The following B3GALT1 variants were observed in gnomAD, a reference collection of about 807,000 sequenced individuals.
The protein encoded by B3GALT1 is beta-1,3-galactosyltransferase 1.
B3GALT1 carries 10 observed loss-of-function variants against 23.2 expected under a neutral mutation model. The observed-to-expected ratio is 0.43, with a 90% CI of 0.27 to 0.73. B3GALT1 has a LOEUF of 0.73. Among genes scored for constraint, B3GALT1 ranks in the 30% least tolerant of loss-of-function variants. B3GALT1 has a pLI of 0.21. For synonymous variants in B3GALT1, 156 were observed against 141.5 expected, an observed-to-expected ratio of 1.10 and a Z score of -0.73; for missense variants, 299 against 405.4, an observed-to-expected ratio of 0.74 and a Z score of 2.25.
At chr2:167,714,594 T>C in intron 3 of B3GALT1, 2 of 1,613,698 alleles carry the variant, frequency 1.2e-6, no homozygotes, top group Admixed American at 3.3e-5. Flanking sequence ...TTAAACTCTG[T>C]TTCAGTTAAT....
At chr2:167,566,186 T>G (rs1390887573) in intron 2 of B3GALT1, among the ~76,000 whole-genome samples, 1 of 152,144 alleles carries the variant, frequency 6.6e-6, no homozygotes, top group Admixed American at 6.5e-5. Context: ...AAATGATGAG[T>G]TCATGTCCTT....
intron 3 of B3GALT1, among the ~76,000 whole-genome samples, chr2:167,668,799 G>T (rs1456388666): frequency 6.6e-6 from 1 of 152,212 alleles, no homozygotes; most frequent in African/African-American, 2.4e-5. Flanking sequence ...GCCTCGCCCT[G>T]CTTCGGCTCG....
intron 1 of B3GALT1, among the ~76,000 whole-genome samples, chr2:167,450,914 G>A (rs759864929): frequency 1.5e-4 from 22 of 151,718 alleles, no homozygotes; most frequent in South Asian, 2.1e-4. Context: ...CTTTGTCTTC[G>A]TTGGATTATG....
intron 2 of B3GALT1, among the ~76,000 whole-genome samples, chr2:167,592,202 A>T (rs1684695721): frequency 6.6e-6 from 1 of 151,974 alleles, no homozygotes; most frequent in Non-Finnish European, 1.5e-5. Flanking sequence ...GAGATCTAAG[A>T]TAGCAATATC....
At chr2:167,386,552 T>A (rs1697932089) in intron 1 of B3GALT1, among the ~76,000 whole-genome samples, 1 of 152,168 alleles carries the variant, frequency 6.6e-6, no homozygotes, top group Admixed American at 6.5e-5. Context: ...TTGAAATTTT[T>A]TTTTTCTGAA....
intron 3 of B3GALT1, among the ~76,000 whole-genome samples, chr2:167,788,041 C>T (rs2105326135): frequency 6.6e-6 from 1 of 152,156 alleles, no homozygotes; most frequent in East Asian, 1.9e-4. Flanking sequence ...CTGGTGGAGC[C>T]AGAAGTGGCA....
intron 1 of B3GALT1, among the ~76,000 whole-genome samples, chr2:167,469,735 C>T (rs1364543496): frequency 6.6e-6 from 1 of 152,074 alleles, no homozygotes; most frequent in African/African-American, 2.4e-5. Flanking sequence ...AAACATGAAA[C>T]TACACTGGAA....
At chr2:167,534,384 T>C (rs79834543) in intron 2 of B3GALT1, among the ~76,000 whole-genome samples, 5,332 of 152,208 alleles carry the variant, frequency 0.035, 295 homozygotes, top group African/African-American at 0.12. Context: ...TAGTGCTTTT[T>C]TTAGGGGAAA....
intron 1 of B3GALT1, among the ~76,000 whole-genome samples, chr2:167,434,093 A>C (rs960764302): frequency 2.6e-5 from 4 of 152,230 alleles, no homozygotes; most frequent in African/African-American, 9.6e-5. Flanking sequence ...TTAAAGATAT[A>C]ATTTGGCACA....
At chr2:167,328,076 A>G (rs747167781) in intron 1 of B3GALT1, among the ~76,000 whole-genome samples, 1 of 152,102 alleles carries the variant, frequency 6.6e-6, no homozygotes, top group Non-Finnish European at 1.5e-5. Context: ...AATCCCACTT[A>G]ATCATGGTGT....
intron 2 of B3GALT1, among the ~76,000 whole-genome samples, chr2:167,579,432 C>CTTTTTTTTTTTTTTTTTTTT (rs71395297): frequency 1.8e-5 from 2 of 109,050 alleles, no homozygotes; most frequent in African/African-American, 7.6e-5. Context: ...TTTTTTTTGT[C>CTTTTTTTTTTTTTTTTTTTT]TTTTTTTTTT....
At chr2:167,365,071 G>A (rs924424687) in intron 1 of B3GALT1, among the ~76,000 whole-genome samples, 19 of 152,102 alleles carry the variant, frequency 1.2e-4, no homozygotes, top group Non-Finnish European at 2.5e-4. Context: ...TGGGTGTTGC[G>A]TTTTCTGATT....
chr2:167,412,254 A>G (rs1256946106), intron 1 of B3GALT1, among the ~76,000 whole-genome samples: 1 of 152,202 alleles, frequency 6.6e-6, no homozygotes, highest in African/African-American at 2.4e-5. Context: ...AAAGAAGTAA[A>G]TCGAGTTATA....
At chr2:167,606,590 T>C (rs1414271519) in intron 2 of B3GALT1, among the ~76,000 whole-genome samples, 1 of 152,184 alleles carries the variant, frequency 6.6e-6, no homozygotes, top group Non-Finnish European at 1.5e-5. Context: ...ATTGTGTGAC[T>C]ATGGCTTATG....
chr2:167,650,819 A>G (rs1255955847), intron 3 of B3GALT1, among the ~76,000 whole-genome samples: 1 of 152,144 alleles, frequency 6.6e-6, no homozygotes, highest in African/African-American at 2.4e-5. Flanking sequence ...CAAAGATTAA[A>G]TAAAGCTGAA....
At chr2:167,389,729 A>C (rs2105281608) in intron 1 of B3GALT1, among the ~76,000 whole-genome samples, 1 of 152,188 alleles carries the variant, frequency 6.6e-6, no homozygotes, top group Non-Finnish European at 1.5e-5. Flanking sequence ...CTACAGAAAA[A>C]GAGGATGGCC....
chr2:167,449,944 A>G (rs978629676), intron 1 of B3GALT1, among the ~76,000 whole-genome samples: 5 of 152,148 alleles, frequency 3.3e-5, no homozygotes, highest in Non-Finnish European at 5.9e-5. Flanking sequence ...TATGAAGCCC[A>G]TTTGATCATG....
chr2:167,450,621 T>G (rs1338178431), intron 1 of B3GALT1, among the ~76,000 whole-genome samples: 1 of 152,208 alleles, frequency 6.6e-6, no homozygotes, highest in African/African-American at 2.4e-5. Context: ...TCACAGCTCT[T>G]AAGATTCTTT....
intron 3 of B3GALT1, among the ~76,000 whole-genome samples, chr2:167,736,310 T>C (rs984435843): frequency 1.3e-5 from 2 of 152,226 alleles, no homozygotes; most frequent in African/African-American, 4.8e-5. Context: ...AAAAATAGCA[T>C]TTCAGTGTAG....
Sources: gnomAD v4.1 joint callset for allele counts (sites outside exome capture counted in the v4.1 genomes callset) on GRCh38, gnomAD v4.1.1 for gene constraint, MANE v1.5 for transcripts, NCBI Gene and HGNC (gene_info 2026-07-23, HGNC 2026-07-21) for gene names.